The following HSD17B4 variants were observed in gnomAD, a reference collection of about 807,000 sequenced individuals.
HSD17B4 encodes hydroxysteroid 17-beta dehydrogenase 4, also known as peroxisomal multifunctional enzyme type 2.
Under a neutral mutation model 101.0 loss-of-function variants are expected in HSD17B4, and 70 were observed. That is an observed-to-expected ratio of 0.69 (90% confidence interval 0.57 to 0.85). HSD17B4 has a LOEUF of 0.85. HSD17B4 is among the 40% of genes least tolerant of loss of function. HSD17B4 has a pLI of 0.00. For synonymous variants in HSD17B4, 347 were observed against 297.1 expected (o/e 1.17, Z -1.73); for missense variants, 984 against 892.4 (o/e 1.10, Z -1.31).
intron 2 of HSD17B4, among the ~76,000 whole-genome samples, chr5:119,461,252 T>A (rs528868144): frequency 6.3e-4 from 96 of 152,210 alleles, no homozygotes; most frequent in African/African-American, 2.2e-3. Context: ...TAAAGGACAT[T>A]TACAAATCTA....
chr5:119,511,071 C>T (rs539940320), intron 16 of HSD17B4, among the ~76,000 whole-genome samples: 2 of 152,276 alleles, frequency 1.3e-5, no homozygotes, highest in East Asian at 3.9e-4. Context: ...CAGAGAAGAA[C>T]AGAAGCTACT....
At chr5:119,498,611 C>T (rs968622614) in intron 12 of HSD17B4, among the ~76,000 whole-genome samples, 1 of 152,204 alleles carries the variant, frequency 6.6e-6, no homozygotes, top group Non-Finnish European at 1.5e-5. Flanking sequence ...GGCGCAGTGG[C>T]TCACGCCTGT....
chr5:119,468,232 A>G (rs912175849), intron 2 of HSD17B4, among the ~76,000 whole-genome samples: 5 of 152,090 alleles, frequency 3.3e-5, no homozygotes, highest in African/African-American at 1.2e-4. Flanking sequence ...ATATGTTTTC[A>G]TGATGGTAGT....
intron 17 of HSD17B4, among the ~76,000 whole-genome samples, chr5:119,518,384 C>G (rs370132039): frequency 6.6e-5 from 10 of 152,156 alleles, no homozygotes; most frequent in African/African-American, 2.4e-4. Context: ...ACCTTAAGAG[C>G]TGTAACACTC....
At chr5:119,536,690 C>A in intron 23 of HSD17B4, 140 bp downstream of exon 23, 1 of 760,788 alleles carries the variant, frequency 1.3e-6, no homozygotes, top group Non-Finnish European at 2.3e-6. Context: ...GCTACTGATA[C>A]TCTGGTTGAC....
At chr5:119,479,788 G>A (rs1010020087) in intron 8 of HSD17B4, among the ~76,000 whole-genome samples, 1 of 152,128 alleles carries the variant, frequency 6.6e-6, no homozygotes, top group Admixed American at 6.6e-5. Flanking sequence ...TATTAATAAA[G>A]CTGCCATAAG....
rs530242907 is a variant in HSD17B4 at position 119,473,426 on chromosome 5, C to G, written c.113-482C>G. On this transcript the variant is annotated intron_variant, in intron 2 of 23. Transcript: ENST00000510025. Reference sequence around the variant, plus strand: ...CTTGATTTCCCAGGTTCAAGCAATCCTCCCACCTCAGCCTCCCAAGTAGCT... The same window carrying G: ...CTTGATTTCCCAGGTTCAAGCAATCGTCCCACCTCAGCCTCCCAAGTAGCT... Among the ~76,000 whole-genome samples, 122 of 150,704 alleles carry G rather than the reference C, an allele frequency of 8.1e-4. 1 individual carries two copies. The highest frequency in any genetic ancestry group is 1.5e-3 in the Non-Finnish European group (101 of 67,778).
At chr5:119,472,850 C>A (rs987316376) in intron 2 of HSD17B4, among the ~76,000 whole-genome samples, 3 of 152,304 alleles carry the variant, frequency 2.0e-5, no homozygotes, top group East Asian at 1.9e-4. Context: ...ATTTTAGATA[C>A]CGCACATAAG....
intron 23 of HSD17B4, among the ~76,000 whole-genome samples, chr5:119,536,984 C>T (rs1343426694): frequency 3.3e-5 from 5 of 152,040 alleles, no homozygotes; most frequent in East Asian, 1.9e-4. Context: ...CCTTCTGTGA[C>T]GATTATTTAG....
In HSD17B4 at chr5:119,473,927, C is replaced by T. The variant is rs765195928; in HGVS notation, c.132C>T (p.Asp44=). The change falls in exon 3 of 24, where the codon GAC becomes GAT. Residue 44 remains aspartate (D), a synonymous_variant. Transcript: ENST00000510025. Reference sequence around the variant, plus strand: ...TTACAGTGAATGATTTGGGAGGGGACTTCAAAGGAGTTGGTAAAGGCTCCT... The same window carrying T: ...TTACAGTGAATGATTTGGGAGGGGATTTCAAAGGAGTTGGTAAAGGCTCCT... ...ALVVVNDLGG[D]FKGVGKGSLA... 3 of 1,604,046 alleles carry T rather than the reference C, an allele frequency of 1.9e-6. No individual in the cohort carries two copies. The highest frequency in any genetic ancestry group is 1.1e-5 in the South Asian group (1 of 90,816).
chr5:119,469,194 A>G (rs926865435), intron 2 of HSD17B4, among the ~76,000 whole-genome samples: 1 of 150,902 alleles, frequency 6.6e-6, no homozygotes, highest in Admixed American at 6.6e-5. Flanking sequence ...TAAGATCATC[A>G]TTTTGAATTC....
At chr5:119,539,922 C>CAAAA (rs35193622) in intron 23 of HSD17B4, among the ~76,000 whole-genome samples, 1,286 of 105,282 alleles carry the variant, frequency 0.012, 18 homozygotes, top group South Asian at 0.015. Context: ...CTGTCTCTAC[C>CAAAA]AAAAAAAAAA....
intron 16 of HSD17B4, among the ~76,000 whole-genome samples, chr5:119,511,671 A>G (rs1000614544): frequency 4.6e-5 from 7 of 152,142 alleles, no homozygotes; most frequent in Middle Eastern, 6.3e-3. Flanking sequence ...CTCAAGGTAC[A>G]CTCTCTGAGG....
chr5:119,484,826 A>G (rs1437125921), intron 8 of HSD17B4, among the ~76,000 whole-genome samples: 1 of 151,712 alleles, frequency 6.6e-6, no homozygotes, highest in Non-Finnish European at 1.5e-5. Context: ...TGGACCTGAG[A>G]TCTAATTTTT....
At chr5:119,475,891 C>A in intron 6 of HSD17B4, 21 bp downstream of exon 6, 1 of 1,524,136 alleles carries the variant, frequency 6.6e-7, no homozygotes, top group Admixed American at 1.7e-5. Flanking sequence ...TTTAGTATTT[C>A]TCTGGGGAAC....
Position 119,527,157 on chromosome 5 carries a change from C to T in HSD17B4, c.1705C>T (p.Pro569Ser), listed in dbSNP as rs764392899. The change falls in exon 20 of 24, where the codon CCA (proline) becomes TCA (serine). Residue 569 changes from proline (P) to serine (S), a missense_variant. Transcript: ENST00000510025. ...GGCTCGTTTTGCAAAACCAGTATAT[C>T]CAGGACAAACTCTACAAACTGAGAT... ...IKARFAKPVY[P>S]GQTLQTEMWK... The T allele has an allele frequency of 3.7e-6, 6 of 1,605,422 alleles. No individual in the cohort carries two copies. In the South Asian group the frequency reaches 6.6e-5, roughly 18 times the overall value.
rs1274306053 is a variant in HSD17B4, at chr5:119,473,911, A to G, written c.116A>G (p.Asn39Ser). ...TTTGCTTGTTTTTGCATTACAGTGA[A>G]TGATTTGGGAGGGGACTTCAAAGGA... ...FAERGALVVV[N>S]DLGGDFKGVG... Residue 39 changes from asparagine (N) to serine (S), a missense_variant, in exon 3 of 24, where the codon AAT becomes AGT. Physicochemically the swap from Asn to Ser is conservative, Grantham distance 46. Coordinates refer to ENST00000510025, the MANE Select transcript of HSD17B4 (RefSeq NM_000414.4). 1.3e-6 allele frequency: 2 copies of G among 1,569,184 alleles called. No individual in the cohort carries two copies. The highest frequency in any genetic ancestry group is 1.8e-6 in the Non-Finnish European group (2 of 1,139,028).
intron 8 of HSD17B4, among the ~76,000 whole-genome samples, chr5:119,481,232 A>G (rs1162437246): frequency 6.6e-6 from 1 of 152,206 alleles, no homozygotes; most frequent in Non-Finnish European, 1.5e-5. Flanking sequence ...AAAGACAGGC[A>G]TAAGAAATTA....
At chr5:119,478,406 C>T (rs1748796548) in intron 7 of HSD17B4, among the ~76,000 whole-genome samples, 1 of 152,024 alleles carries the variant, frequency 6.6e-6, no homozygotes, top group African/African-American at 2.4e-5. Flanking sequence ...TTTACTTAGC[C>T]TAAGTAGAGT....
Sources: allele counts gnomAD v4.1 joint callset (sites outside exome capture counted in the v4.1 genomes callset), GRCh38; gene constraint gnomAD v4.1.1; transcripts MANE v1.5; gene names NCBI Gene and HGNC (gene_info 2026-07-23, HGNC 2026-07-21).